The following NEB variants were observed in gnomAD, a reference collection of about 807,000 sequenced individuals.
NEB encodes the protein nemaline myopathy type 2.
In NEB, 512 loss-of-function variants were observed where a neutral mutation model predicts 952.2. That is an observed-to-expected ratio of 0.54 (90% CI 0.50 to 0.58). NEB has a LOEUF of 0.58. Among genes scored for constraint, NEB ranks in the 20% least tolerant of loss-of-function variants. NEB has a pLI of 0.00. For missense variants in NEB, 8,428 were observed against 9,231.1 expected, an observed-to-expected ratio of 0.91 and a Z score of 3.56; for synonymous variants, 2,900 against 3,149.8, an observed-to-expected ratio of 0.92 and a Z score of 2.66.
At chr2:151,641,556 C>A (rs2098847572) in intron 60 of NEB, among the ~76,000 whole-genome samples, 1 of 152,176 alleles carries the variant, frequency 6.6e-6, no homozygotes, top group Non-Finnish European at 1.5e-5. Flanking sequence ...GTCTCAAACT[C>A]CTGCCCTTAA....
Position 151,561,118 on chromosome 2 carries a change from A to G in NEB, c.19102-10T>C, listed in dbSNP as rs2096012271. On this transcript the variant is annotated splice_polypyrimidine_tract_variant and intron_variant, in intron 122 of 181. Transcript: ENST00000397345. ...TTTCTTTATATTTTACCTGTAGACA[A>G]GCAACAATAGGTTATTCACCTCTGT... 6.4e-7 allele frequency: 1 copy of G among 1,565,666 alleles called. No homozygotes were observed. The highest frequency in any genetic ancestry group is 1.1e-5 in the South Asian group (1 of 87,526).
At chr2:151,630,872 A>C in intron 66 of NEB, 53 bp from the exon 67 acceptor site, 1 of 1,449,484 alleles carries the variant, frequency 6.9e-7, no homozygotes, top group Non-Finnish European at 9.3e-7. Flanking sequence ...AGAAATGACA[A>C]AAAGTTCATT....
In NEB at chr2:151,551,794, T is replaced by G; in HGVS notation, c.19888A>C (p.Thr6630Pro). Residue 6630 changes from threonine (T) to proline (P), a missense_variant, in exon 129 of 182, where the codon ACT (threonine) becomes CCT (proline). Coordinates refer to ENST00000397345, the MANE Select transcript of NEB (RefSeq NM_001164508.2). ...VHSVRGKVAP[T>P]TKTVDLDRAL... ...CGGTCCAGATCCACGGTTTTGGTAG[T>G]TGGAGCCACTTTGCCTCTGACACTG... The G allele has an allele frequency of 6.2e-7, 1 of 1,613,470 alleles. No individual in the cohort carries two copies. The highest frequency in any genetic ancestry group is 8.5e-7 in the Non-Finnish European group (1 of 1,179,650).
At chr2:151,695,238 C>A (rs775320757) in intron 18 of NEB, among the ~76,000 whole-genome samples, 14 of 151,926 alleles carry the variant, frequency 9.2e-5, no homozygotes, top group Non-Finnish European at 1.8e-4. Flanking sequence ...ATTATAGGCC[C>A]AGGGAATAAA....
Position 151,505,583 on chromosome 2 carries a change from A to AAAT in NEB, c.23650-16_23650-14dup. 1.3e-6 allele frequency: 2 copies of AAAT among 1,599,072 alleles called. No individual in the cohort carries two copies. The highest frequency in any genetic ancestry group is 1.7e-6 in the Non-Finnish European group (2 of 1,166,340). On this transcript the variant is annotated splice_polypyrimidine_tract_variant and intron_variant, in intron 164 of 181. Transcript: ENST00000397345. Reference sequence around the variant, plus strand: ...CCTTATACTTCACCTGCAGATTTAAAAATGGGAAAAGAAAGGTATTATTAC... The same window carrying AAAT: ...CCTTATACTTCACCTGCAGATTTAAAAATAATGGGAAAAGAAAGGTATTATTAC...
chr2:151,609,572 T>C (rs1478017587), intron 81 of NEB, among the ~76,000 whole-genome samples: 1 of 152,264 alleles, frequency 6.6e-6, no homozygotes, highest in Non-Finnish European at 1.5e-5. Context: ...TCTAGCATAA[T>C]AGCAACAATT....
At position 151,610,870 on chromosome 2, in the gene NEB, C is replaced by A; in HGVS notation, c.11806-4G>T. ...CCCAAGCTTCTGTGTATAAATGCTA[C>A]AGGGCAGGGCGGCATGGGGCATGGG... On this transcript the variant is annotated splice_region_variant and splice_polypyrimidine_tract_variant and intron_variant, in intron 78 of 181. Transcript: ENST00000397345. 6.4e-7 allele frequency: 1 copy of A among 1,567,536 alleles called. No individual in the cohort carries two copies. The highest frequency in any genetic ancestry group is 8.7e-7 in the Non-Finnish European group (1 of 1,153,538).
In NEB at chr2:151,708,940, C is replaced by G. The variant is rs140631079; in HGVS notation, c.1035+716G>C. On this transcript the variant is annotated intron_variant, in intron 12 of 181. Coordinates refer to ENST00000397345, the MANE Select transcript of NEB (RefSeq NM_001164508.2). ...CTGCTACCCTCCTGGTCCAAAACAC[C>G]GTCTTACACGTGGATGCTGTAATAG... 2.8e-3 allele frequency among the ~76,000 whole-genome samples: 427 copies of G among 152,312 alleles called. 3 individuals are homozygous for G. Among genetic ancestry groups the G allele is most frequent in the African/African-American group, 9.5e-3 (394 of 41,560 alleles).
chr2:151,490,535 T>G lies in NEB; in HGVS notation c.25151-17A>C. On this transcript the variant is annotated splice_polypyrimidine_tract_variant and intron_variant, in intron 179 of 181. Coordinates refer to ENST00000397345, the MANE Select transcript of NEB (RefSeq NM_001164508.2). ...GAGCTTGGACTGGGAGAGATGCAGTTGGGGGAGATGTAGCAAACATGAAAT... is the reference window on the plus strand; with the variant it reads ...GAGCTTGGACTGGGAGAGATGCAGTGGGGGGAGATGTAGCAAACATGAAAT... 1 of 1,605,570 alleles carries G rather than the reference T, an allele frequency of 6.2e-7. No homozygotes were observed. Among genetic ancestry groups the G allele is most frequent in the Non-Finnish European group, 8.5e-7 (1 of 1,175,838 alleles).
chr2:151,733,843 T>C (rs981137820), intron 1 of NEB, 48 bp from the exon 2 acceptor site: 1 of 152,218 alleles, frequency 6.6e-6, no homozygotes, highest in African/African-American at 2.4e-5. Context: ...ACATATAGGA[T>C]TGTCAGTCCT....
intron 45 of NEB, 45 bp from the exon 46 acceptor site, chr2:151,662,386 C>G: frequency 6.9e-7 from 1 of 1,459,684 alleles, no homozygotes; most frequent in East Asian, 2.3e-5. Context: ...ACTGGAACTT[C>G]CCAAGAATCC....
At chr2:151,659,233 T>C in intron 46 of NEB, 64 bp from the exon 47 acceptor site, 1 of 948,836 alleles carries the variant, frequency 1.1e-6, no homozygotes, top group Non-Finnish European at 1.7e-6. Context: ...AGTACATACA[T>C]ATCATTGTAC....
chr2:151,508,145 A>G (rs754596703), intron 161 of NEB, 36 bp from the exon 162 acceptor site: 1 of 1,453,708 alleles, frequency 6.9e-7, no homozygotes, highest in Non-Finnish European at 9.5e-7. Flanking sequence ...GAGGGTAAAC[A>G]CCACAGGGAT....
chr2:151,734,239 T>C (rs2099816101), intron 1 of NEB, among the ~76,000 whole-genome samples, 159 bp downstream of exon 1: 2 of 152,140 alleles, frequency 1.3e-5, no homozygotes, highest in South Asian at 4.1e-4. Flanking sequence ...TAGCAGATAT[T>C]AGTAGGGCCT....
intron 163 of NEB, 103 bp from the exon 164 acceptor site, chr2:151,506,361 A>G (rs2153189132): frequency 1.2e-6 from 1 of 853,030 alleles, no homozygotes; most frequent in Non-Finnish European, 1.9e-6. Flanking sequence ...ACAAGACACT[A>G]GACGATGTTC....
chr2:151,573,429 TCTATACTG>T (rs2096716675), intron 107 of NEB, among the ~76,000 whole-genome samples: 1 of 152,182 alleles, frequency 6.6e-6, no homozygotes, highest in African/African-American at 2.4e-5. Flanking sequence ...GGAAGAGGCG[TCTATACTG>T]CAGTGAAGAA....
chr2:151,717,422 C>T lies in NEB; in HGVS notation c.816G>A (p.Val272=). Reference sequence around the variant, plus strand: ...CCCAGCTCTATTTACTTACCTTGCTCACTTGATTGGTTACTTTCTTGGCAA... The same window carrying T: ...CCCAGCTCTATTTACTTACCTTGCTTACTTGATTGGTTACTTTCTTGGCAA... ...IEFAKKVTNQ[V]SKQKYKEDYE... The change falls in exon 10 of 182, where the codon GTG becomes GTA. Residue 272 remains valine (V), a synonymous_variant. Transcript: ENST00000397345. 6.2e-7 allele frequency: 1 copy of T among 1,607,692 alleles called. No individual in the cohort carries two copies. The highest frequency in any genetic ancestry group is 8.5e-7 in the Non-Finnish European group (1 of 1,174,094).
At chr2:151,499,047 T>TA (rs1271328946) in intron 169 of NEB, among the ~76,000 whole-genome samples, 1 of 152,066 alleles carries the variant, frequency 6.6e-6, no homozygotes. Flanking sequence ...TGTGGATGCT[T>TA]AGACACTGAG....
intron 24 of NEB, 172 bp downstream of exon 24, chr2:151,690,555 T>C: frequency 1.0e-5 from 6 of 594,836 alleles, no homozygotes; most frequent in Non-Finnish European, 1.8e-5. Context: ...ACAACTTTCC[T>C]CAGGCTGCAA....
Sources: allele counts gnomAD v4.1 joint callset (sites outside exome capture counted in the v4.1 genomes callset), GRCh38; gene constraint gnomAD v4.1.1; transcripts MANE v1.5; gene names NCBI Gene and HGNC (gene_info 2026-07-23, HGNC 2026-07-21).